Variants in GMFB observed in about 807,000 individuals in gnomAD.
The protein encoded by GMFB is GMF-beta.
A neutral mutation model predicts 25.6 loss-of-function variants in GMFB; 13 were observed. The observed-to-expected ratio is 0.51, with a 90% CI of 0.33 to 0.81. The LOEUF (loss-of-function observed/expected upper bound fraction) is 0.81, where lower values mean the gene tolerates loss of function less well. Ranked by LOEUF, GMFB falls within the 30% of genes least tolerant of loss-of-function variation. The pLI, the probability that GMFB is intolerant of heterozygous loss-of-function variation, is 0.02. For synonymous variants in GMFB, 57 were observed against 56.9 expected, an observed-to-expected ratio of 1.00 and a Z score of 0.00; for missense variants, 146 against 175.4, an observed-to-expected ratio of 0.83 and a Z score of 0.95.
Position 54,482,234 on chromosome 14 carries a change from G to C in GMFB, c.101-32C>G, listed in dbSNP as rs573025593. ...TAAAAATCAAGTATGAGTAAGCTGG[G>C]ATTCTAATGTGACCCTGATCTGCCC... On this transcript the variant is annotated intron_variant, in intron 2 of 6. Transcript: ENST00000358056. 6.2e-6 allele frequency: 9 copies of C among 1,461,888 alleles called. No individual in the cohort carries two copies. In the South Asian group the frequency reaches 9.1e-5, roughly 15 times the overall value. 90.6% of individuals were successfully genotyped at this position (1,461,888 alleles called of 1,614,324 possible).
rs2031650593 is a variant in GMFB, at chr14:54,477,110, T to C, written c.*978A>G. ...AAAATTATAACTCTCGACTGCCATA[T>C]ATTCACCAATGCAAGCAGATAGTTG... On this transcript the variant is annotated 3_prime_UTR_variant, in exon 7 of 7. Coordinates refer to ENST00000358056, the MANE Select transcript of GMFB (RefSeq NM_004124.3). The C allele has an allele frequency of 6.6e-6, 1 of 152,388 alleles. No homozygotes were observed. Among genetic ancestry groups the C allele is most frequent in the Non-Finnish European group, 1.5e-5 (1 of 67,928 alleles). The allele number at this position is 152,388 out of a possible 1,614,324, so 9.4% of individuals were successfully genotyped here. A position where few individuals can be genotyped will look rare whatever the true frequency, so the allele number is the denominator to read the frequency against.
chr14:54,480,653 C>A (rs928422580), intron 5 of GMFB: 1 of 381,580 alleles, frequency 2.6e-6, no homozygotes. Context: ...AACAATTACA[C>A]GTCTAGAAAT....
Position 54,479,866 on chromosome 14 carries a change from AAG to A in GMFB, c.284-9_284-8del, listed in dbSNP as rs776076153. 6.4e-7 allele frequency: 1 copy of A among 1,557,846 alleles called. No homozygotes were observed. Among genetic ancestry groups the A allele is most frequent in the Non-Finnish European group, 8.9e-7 (1 of 1,129,480 alleles). On this transcript the variant is annotated splice_region_variant and splice_polypyrimidine_tract_variant and intron_variant, in intron 5 of 6. Coordinates refer to ENST00000358056, the MANE Select transcript of GMFB (RefSeq NM_004124.3). ...TGTTGTTCAGGCTTACATCCTGGAA[AAG>A]AGAGATTAGTGTAGAAATGAGACAC...
intron 1 of GMFB, among the ~76,000 whole-genome samples, chr14:54,486,791 A>T (rs1056651745): frequency 1.3e-5 from 2 of 148,760 alleles, no homozygotes; most frequent in African/African-American, 4.9e-5. Flanking sequence ...TCTTTCCCCA[A>T]TTACATAGCT....
At position 54,482,171 on chromosome 14, in the gene GMFB, T is replaced by G. The variant is rs1205950150; in HGVS notation, c.132A>C (p.Val44=). The G allele has an allele frequency of 6.2e-7, 1 of 1,601,570 alleles. No individual in the cohort carries two copies. Among genetic ancestry groups the G allele is most frequent in the Non-Finnish European group, 8.6e-7 (1 of 1,168,918 alleles). ...MKIDKDKRLV[V]LDEELEGISP... is the part of the protein sequence containing the mutation. ...AACAAACCTCAAGCTCCTCATCCAG[T>G]ACCACCAGGCGTTTATCCTTGTCAA... Residue 44 remains valine (V), a synonymous_variant, in exon 3 of 7, where the codon GTA becomes GTC. Coordinates refer to ENST00000358056, the MANE Select transcript of GMFB (RefSeq NM_004124.3).
chr14:54,483,959 C>T (rs755784723), intron 1 of GMFB, 192 bp from the exon 2 acceptor site: 1 of 679,698 alleles, frequency 1.5e-6, no homozygotes, highest in Non-Finnish European at 2.7e-6. Flanking sequence ...CTTAATCCTA[C>T]AAATTTGTTC....
chr14:54,480,633 GA>G lies in GMFB; in HGVS notation c.283+240del, dbSNP rs2031698173. ...TTCAAAATCCTTAAAATACATGTAT[GA>G]TTTGAGTCAACAATTACACGTCTAG... On this transcript the variant is annotated intron_variant, in intron 5 of 6. Transcript: ENST00000358056. 1.7e-5 allele frequency: 6 copies of G among 351,382 alleles called. No individual in the cohort carries two copies. In the East Asian group the frequency reaches 2.9e-4, roughly 17 times the overall value. The allele number at this position is 351,382 out of a possible 1,614,324, so 21.8% of individuals were successfully genotyped here. A position where few individuals can be genotyped will look rare whatever the true frequency, so the allele number is the denominator to read the frequency against.
intron 1 of GMFB, among the ~76,000 whole-genome samples, chr14:54,484,644 A>G (rs1594634776): frequency 1.3e-5 from 2 of 152,208 alleles, no homozygotes; most frequent in Non-Finnish European, 1.5e-5. Flanking sequence ...ACTATTCAAA[A>G]AAATTGAAGG....
intron 6 of GMFB, chr14:54,479,154 T>C (rs1566496655): frequency 6.6e-6 from 1 of 152,132 alleles, no homozygotes; most frequent in Non-Finnish European, 1.5e-5. Flanking sequence ...AAATACTGTC[T>C]AACACAGTTT....
intron 1 of GMFB, chr14:54,484,035 CATA>C: frequency 1.8e-6 from 1 of 545,744 alleles, no homozygotes; most frequent in East Asian, 4.2e-5. Flanking sequence ...AAACCACACA[CATA>C]ATAATGTGCA....
intron 1 of GMFB, among the ~76,000 whole-genome samples, chr14:54,487,609 AG>A (rs1435278102): frequency 3.9e-4 from 59 of 152,282 alleles, no homozygotes; most frequent in African/African-American, 1.3e-3. Context: ...GCTACTTGGG[AG>A]GCTGAGGCAG....
intron 3 of GMFB, 80 bp from the exon 4 acceptor site, chr14:54,481,538 C>G (rs1485436383): frequency 1.2e-6 from 1 of 850,354 alleles, no homozygotes; most frequent in Non-Finnish European, 2.0e-6. Context: ...ACCCATTCTA[C>G]TAACAGTTAT....
chr14:54,478,275 T>C, intron 6 of GMFB, 116 bp from the exon 7 acceptor site: 1 of 470,246 alleles, frequency 2.1e-6, no homozygotes, highest in Non-Finnish European at 3.8e-6. Flanking sequence ...TGGTTATATA[T>C]TTGAGTATTA....
intron 1 of GMFB, chr14:54,484,104 T>C (rs2031752181): frequency 5.6e-6 from 2 of 358,282 alleles, no homozygotes; most frequent in Non-Finnish European, 5.3e-6. Context: ...AGAATCACTG[T>C]CTGCTGTTAG....
At chr14:54,484,507 C>T (rs533057707) in intron 1 of GMFB, among the ~76,000 whole-genome samples, 31 of 151,948 alleles carry the variant, frequency 2.0e-4, no homozygotes, top group African/African-American at 7.2e-4. Flanking sequence ...AAATAGAAAA[C>T]CTGAACAAAC....
chr14:54,486,501 AAAC>A (rs1348236929), intron 1 of GMFB, among the ~76,000 whole-genome samples: 3 of 152,342 alleles, frequency 2.0e-5, no homozygotes, highest in Admixed American at 2.0e-4. Flanking sequence ...AGAGGAAAGA[AAAC>A]AACGAGTGAA....
rs2140029076 is a variant in GMFB at position 54,475,718 on chromosome 14, TA to T, written c.*2369del. The T allele has an allele frequency of 6.6e-6, 1 of 152,626 alleles. No individual in the cohort carries two copies. Among genetic ancestry groups the T allele is most frequent in the Non-Finnish European group, 1.5e-5 (1 of 67,926 alleles). 9.5% of individuals were successfully genotyped at this position (152,626 alleles called of 1,614,324 possible). A position where few individuals can be genotyped will look rare whatever the true frequency, so the allele number is the denominator to read the frequency against. ...TTGGTTCTATTTTGACATTAGATGC[TA>T]TGCAGAACTTATGCAGGGCCAAAAA... is the stretch of plus-strand genomic sequence containing the variant. On this transcript the variant is annotated 3_prime_UTR_variant, in exon 7 of 7. Transcript: ENST00000358056.
At chr14:54,482,285 T>C (rs926091754) in intron 2 of GMFB, 83 bp from the exon 3 acceptor site, 10 of 810,876 alleles carry the variant, frequency 1.2e-5, no homozygotes, top group Non-Finnish European at 2.1e-5. Context: ...AGCCTTTTTT[T>C]TCGGACATCT....
intron 1 of GMFB, chr14:54,483,983 A>G (rs1465579653): frequency 4.6e-6 from 3 of 650,744 alleles, no homozygotes; most frequent in South Asian, 4.6e-5. Flanking sequence ...TCATATATGT[A>G]AGGTATATTT....
Sources: gnomAD v4.1 joint callset for allele counts (sites outside exome capture counted in the v4.1 genomes callset) on GRCh38, gnomAD v4.1.1 for gene constraint, MANE v1.5 for transcripts, NCBI Gene and HGNC (gene_info 2026-07-23, HGNC 2026-07-21) for gene names.